RBFOX1: variants seen among roughly 807,000 people sequenced by gnomAD.
RBFOX1 encodes RNA binding protein fox-1 homolog 1.
In RBFOX1, 8 loss-of-function variants were observed where a neutral mutation model predicts 57.7. That is an observed-to-expected ratio of 0.14 (90% confidence interval 0.08 to 0.25). The LOEUF (loss-of-function observed/expected upper bound fraction) is 0.25. Ranked by LOEUF, RBFOX1 falls within the 10% of genes least tolerant of loss-of-function variation. RBFOX1 has a pLI of 1.00. For missense variants in RBFOX1, 611 were observed against 548.5 expected (o/e 1.11, Z -1.14); for synonymous variants, 326 against 222.4 (o/e 1.47, Z -4.15).
intron 4 of RBFOX1, among the ~76,000 whole-genome samples, chr16:7,077,948 G>C (rs559679248): frequency 1.1e-4 from 17 of 152,258 alleles, no homozygotes; most frequent in Middle Eastern, 3.4e-3. Flanking sequence ...AGGCCAAACA[G>C]AGAGAAAGTA....
At chr16:5,935,424 A>G (rs1292237884) in intron 4 of RBFOX1, among the ~76,000 whole-genome samples, 4 of 152,146 alleles carry the variant, frequency 2.6e-5, no homozygotes, top group South Asian at 4.1e-4. Flanking sequence ...TAGGCAGCAT[A>G]AGGAGATTTA....
intron 4 of RBFOX1, among the ~76,000 whole-genome samples, chr16:7,461,343 T>C (rs960053103): frequency 6.6e-6 from 1 of 152,076 alleles, no homozygotes. Flanking sequence ...AATTTTTGTA[T>C]TTTTAGTGAA....
chr16:7,474,513 C>T (rs144072303), intron 4 of RBFOX1, among the ~76,000 whole-genome samples: 2 of 152,276 alleles, frequency 1.3e-5, no homozygotes, highest in African/African-American at 4.8e-5. Flanking sequence ...GGTGAACAGC[C>T]AACTATTTAG....
intron 2 of RBFOX1, among the ~76,000 whole-genome samples, chr16:5,520,418 C>A (rs749594406): frequency 6.6e-6 from 1 of 152,192 alleles, no homozygotes; most frequent in Non-Finnish European, 1.5e-5. Flanking sequence ...TAACTCACCC[C>A]CTGTCTTCTC....
chr16:6,894,165 T>C (rs780296841), intron 3 of RBFOX1, among the ~76,000 whole-genome samples: 19 of 152,246 alleles, frequency 1.2e-4, no homozygotes, highest in Non-Finnish European at 2.4e-4. Context: ...TACCTATCTC[T>C]TGTCTGTCTG....
chr16:7,273,209 CCTTCCTT>C lies in RBFOX1; in HGVS notation c.27+221113_27+221119del, dbSNP rs1325351669. On this transcript the variant is annotated intron_variant, in intron 4 of 15. Coordinates refer to ENST00000550418, the MANE Select transcript of RBFOX1 (RefSeq NM_018723.4). ...TCCTCCCTTCCTTCCTCCCTCCCTTCCTTCCTTCCTTCCTTCCTTCCTTCCTTCCTTC... is the reference window on the plus strand; with the variant it reads ...TCCTCCCTTCCTTCCTCCCTCCCTTCCCTTCCTTCCTTCCTTCCTTCCTTC... 3.6e-5 allele frequency among the ~76,000 whole-genome samples: 3 copies of C among 82,554 alleles called. 1 individual carries two copies. Among genetic ancestry groups the C allele is most frequent in the African/African-American group, 1.8e-4 (3 of 16,934 alleles). 54.2% of individuals were successfully genotyped at this position (82,554 alleles called of 152,430 possible). A position where few individuals can be genotyped will look rare whatever the true frequency, so the allele number is the denominator to read the frequency against.
At chr16:5,804,771 C>T (rs540372396) in intron 3 of RBFOX1, among the ~76,000 whole-genome samples, 49 of 152,302 alleles carry the variant, frequency 3.2e-4, no homozygotes, top group Non-Finnish European at 5.4e-4. Context: ...AGTCCTACCA[C>T]GCTCACCTCC....
rs181639484 is a variant in RBFOX1, at chr16:6,008,530, G to A, written c.351+141195G>A. 5.3e-5 allele frequency among the ~76,000 whole-genome samples: 8 copies of A among 152,242 alleles called. No homozygotes were observed. In the East Asian group the frequency reaches 1.4e-3, roughly 26 times the overall value. ...ATTTTCTAAAAGCTTGCTGGTTAGAGGCACATCCAAATCAAGATTGCGGTT... is the reference window on the plus strand; with the variant it reads ...ATTTTCTAAAAGCTTGCTGGTTAGAAGCACATCCAAATCAAGATTGCGGTT... On this transcript the variant is annotated intron_variant, in intron 4 of 19. Transcript: ENST00000641259.
chr16:6,478,423 A>AT (rs1404224606), intron 2 of RBFOX1, among the ~76,000 whole-genome samples: 30 of 11,988 alleles, frequency 2.5e-3, no homozygotes, highest in African/African-American at 4.8e-3. Context: ...ATATATATAT[A>AT]TATATATTTT....
chr16:5,531,442 A>G (rs2044474227), intron 2 of RBFOX1, among the ~76,000 whole-genome samples: 1 of 152,238 alleles, frequency 6.6e-6, no homozygotes, highest in Non-Finnish European at 1.5e-5. Flanking sequence ...AGTAGGGGTA[A>G]TAGAACTAGC....
At chr16:5,461,074 T>G (rs1054269123) in intron 1 of RBFOX1, among the ~76,000 whole-genome samples, 21 of 152,266 alleles carry the variant, frequency 1.4e-4, no homozygotes, top group African/African-American at 5.1e-4. Flanking sequence ...TCCAAGGGGC[T>G]CCTGCAGTTT....
chr16:5,721,226 A>G (rs1330431116), intron 3 of RBFOX1, among the ~76,000 whole-genome samples: 1 of 152,134 alleles, frequency 6.6e-6, no homozygotes, highest in Non-Finnish European at 1.5e-5. Flanking sequence ...TATAAAGGAA[A>G]TTGTGTCCTT....
chr16:7,187,453 G>T (rs1008990313), intron 4 of RBFOX1, among the ~76,000 whole-genome samples: 1 of 151,464 alleles, frequency 6.6e-6, no homozygotes, highest in Non-Finnish European at 1.5e-5. Context: ...ACTTTGAGAG[G>T]CCAAGGCGGG....
chr16:5,825,163 C>G (rs528670232), intron 3 of RBFOX1, among the ~76,000 whole-genome samples: 1 of 152,310 alleles, frequency 6.6e-6, no homozygotes, highest in East Asian at 1.9e-4. Flanking sequence ...AGGTTTAAGT[C>G]CCAGCTCGGC....
intron 2 of RBFOX1, among the ~76,000 whole-genome samples, chr16:6,521,446 C>G (rs1319244436): frequency 6.9e-6 from 1 of 145,564 alleles, no homozygotes; most frequent in Non-Finnish European, 1.5e-5. Flanking sequence ...CTCCCCTCCC[C>G]TCCCGTCCCC....
chr16:7,069,810 C>T (rs2056948024), intron 4 of RBFOX1, among the ~76,000 whole-genome samples: 1 of 152,160 alleles, frequency 6.6e-6, no homozygotes, highest in East Asian at 1.9e-4. Context: ...AAATTGTGTT[C>T]CTCCTATCCA....
In RBFOX1 at chr16:6,278,658, T is replaced by A. The variant is rs574913768; in HGVS notation, c.-126-38337T>A. Among the ~76,000 whole-genome samples the A allele has an allele frequency of 5.0e-3, 763 of 152,256 alleles. 2 individuals carry two copies. The highest frequency in any genetic ancestry group is 8.5e-3 in the Non-Finnish European group (580 of 68,008). On this transcript the variant is annotated intron_variant, in intron 1 of 15. Transcript: ENST00000550418. ...TTTTTAGGTTGTTAAAAAAAAGTCA[T>A]ACTGTGTACTTTTTTCTCATAATCC...
Position 5,284,870 on chromosome 16 carries a change from A to C in RBFOX1, c.219+44765A>C, listed in dbSNP as rs116788749. On this transcript the variant is annotated intron_variant, in intron 1 of 2. Transcript: ENST00000585867. ...TGGAGATTCTCTTATAAGGGACTTC[A>C]TGCTTTTCTCTTGCTGTTTTTAGAA... Among the ~76,000 whole-genome samples the C allele has an allele frequency of 7.2e-3, 1,045 of 145,030 alleles. 14 individuals carry two copies. Among genetic ancestry groups the C allele is most frequent in the African/African-American group, 0.025 (974 of 39,192 alleles).
At chr16:6,782,952 G>T (rs11861866) in intron 3 of RBFOX1, among the ~76,000 whole-genome samples, 2 of 151,880 alleles carry the variant, frequency 1.3e-5, no homozygotes, top group African/African-American at 4.8e-5. Context: ...CTTATATCCT[G>T]TTGCTGAGTT....
Sources: gnomAD v4.1 joint callset for allele counts (sites outside exome capture counted in the v4.1 genomes callset) on GRCh38, gnomAD v4.1.1 for gene constraint, MANE v1.5 for transcripts, NCBI Gene and HGNC (gene_info 2026-07-23, HGNC 2026-07-21) for gene names.